The following MDM4 variants were observed in gnomAD, a reference collection of about 807,000 sequenced individuals.
MDM4 encodes the protein MDM4 regulator of p53, also known as protein Mdm4.
MDM4 carries 2 observed loss-of-function variants against 60.2 expected under a neutral mutation model. The observed-to-expected ratio is 0.03, with a 90% CI of 0.01 to 0.10. The LOEUF (loss-of-function observed/expected upper bound fraction) is 0.10, where lower values mean the gene tolerates loss of function less well. MDM4 is among the 10% of genes least tolerant of loss of function. MDM4 has a pLI of 1.00. For missense variants in MDM4, 447 were observed against 577.5 expected (o/e 0.77, Z 2.32); for synonymous variants, 202 against 198.1 (o/e 1.02, Z -0.17).
Position 204,542,912 on chromosome 1 carries a change from A to G in MDM4, c.640A>G (p.Ser214Gly), listed in dbSNP as rs1193892713. 6.2e-7 allele frequency: 1 copy of G among 1,612,468 alleles called. No homozygotes were observed. Among genetic ancestry groups the G allele is most frequent in the East Asian group, 2.2e-5 (1 of 44,894 alleles). ...GNLRSNYTPR[S>G]NGSTDLQTNQ... ...CTTGAGAAGCAACTATACACCTAGA[A>G]GTAATGGCTCAACTGATTTACAGAC... The change falls in exon 8 of 11, where the codon AGT becomes GGT. Residue 214 changes from serine (S) to glycine (G), a missense_variant. Physicochemically the swap from Ser to Gly is moderately conservative, Grantham distance 56. This residue lies in a region of MDM4 where 184 missense variants were observed against 179.3 expected (regional missense o/e 1.03). Coordinates refer to ENST00000367182, the MANE Select transcript of MDM4 (RefSeq NM_002393.5).
intron 1 of MDM4, among the ~76,000 whole-genome samples, chr1:204,517,196 CGCGCCACTGCACTCCA>C (rs1659066970): frequency 6.6e-6 from 1 of 150,698 alleles, no homozygotes; most frequent in Non-Finnish European, 1.5e-5. Context: ...GAGTCGAGAT[CGCGCCACTGCACTCCA>C]GCTTGGGCTA....
At chr1:204,545,269 A>G (rs1662540122) in intron 9 of MDM4, among the ~76,000 whole-genome samples, 1 of 151,874 alleles carries the variant, frequency 6.6e-6, no homozygotes, top group African/African-American at 2.4e-5. Context: ...AAATGGAAAG[A>G]TAAGATTATT....
chr1:204,544,481 C>T (rs1300873916), intron 8 of MDM4, 54 bp from the exon 9 acceptor site: 2 of 1,541,202 alleles, frequency 1.3e-6, no homozygotes, highest in East Asian at 4.6e-5. Context: ...GTTGTTTCAA[C>T]ATCTCTGATA....
At position 204,556,745 on chromosome 1, in the gene MDM4, T is replaced by G. The variant is rs1663562641; in HGVS notation, c.*7063T>G. The G allele has an allele frequency of 4.7e-6, 1 of 214,102 alleles. No homozygotes were observed. Among genetic ancestry groups the G allele is most frequent in the Non-Finnish European group, 9.4e-6 (1 of 106,132 alleles). The allele number at this position is 214,102 out of a possible 1,614,324, so 13.3% of individuals were successfully genotyped here. On this transcript the variant is annotated 3_prime_UTR_variant, in exon 11 of 11. Coordinates refer to ENST00000367182, the MANE Select transcript of MDM4 (RefSeq NM_002393.5). The stretch of plus-strand genomic sequence containing the variant: ...ACAGAATTATTTTTTTCTCTGTAGT[T>G]TGCCTCATTTTTTCACTTTCTTTTC...
chr1:204,547,799 C>G (rs1662812682), intron 10 of MDM4, among the ~76,000 whole-genome samples: 1 of 152,266 alleles, frequency 6.6e-6, no homozygotes. Context: ...TCTCGGCTCA[C>G]TGCAACTTCC....
intron 1 of MDM4, among the ~76,000 whole-genome samples, chr1:204,519,495 G>A (rs1048927753): frequency 6.6e-6 from 1 of 152,064 alleles, no homozygotes; most frequent in Non-Finnish European, 1.5e-5. Flanking sequence ...CAACAAGAGC[G>A]AAACTCCGTC....
intron 1 of MDM4, among the ~76,000 whole-genome samples, chr1:204,524,733 C>T (rs938463072): frequency 3.9e-5 from 6 of 152,204 alleles, no homozygotes; most frequent in South Asian, 2.1e-4. Context: ...GCCGAGATTG[C>T]GCCATTGCGC....
chr1:204,529,502 A>C, intron 3 of MDM4: 4 of 1,518,588 alleles, frequency 2.6e-6, no homozygotes, highest in Non-Finnish European at 3.6e-6. Flanking sequence ...TGAGGTGTCC[A>C]TAGGGCCCTC....
chr1:204,523,086 C>T (rs1659734712), intron 1 of MDM4, among the ~76,000 whole-genome samples: 1 of 148,882 alleles, frequency 6.7e-6, no homozygotes, highest in Non-Finnish European at 1.5e-5. Flanking sequence ...TGGTGTTGAA[C>T]TCCTGACCTC....
intron 7 of MDM4, 68 bp from the exon 8 acceptor site, chr1:204,542,716 A>G (rs1662236698): frequency 1.7e-6 from 2 of 1,202,688 alleles, no homozygotes; most frequent in Non-Finnish European, 1.2e-6. Context: ...AGTTTTAAGT[A>G]TTCTAAAGAT....
rs866034137 is a variant in MDM4 at position 204,549,437 on chromosome 1, A to G, written c.1228A>G (p.Met410Val). ...TGAAAGCCAAGAGACCATCTCAAGC[A>G]TGGGAGAACAGTTAGATAACCTTTC... ...SSESQETISS[M>V]GEQLDNLSEQ... is the part of the protein sequence containing the mutation. The change falls in exon 11 of 11, where the codon ATG (methionine) becomes GTG (valine). Residue 410 changes from methionine (M) to valine (V), a missense_variant. Around this residue, in one of 8 missense-constraint regions of MDM4, gnomAD observed 117 missense variants for 114.5 expected, o/e 1.02. Transcript: ENST00000367182. 4.3e-6 allele frequency: 7 copies of G among 1,612,336 alleles called. No homozygotes were observed. Among genetic ancestry groups the G allele is most frequent in the South Asian group, 3.3e-5 (3 of 90,786 alleles).
intron 10 of MDM4, among the ~76,000 whole-genome samples, chr1:204,547,931 A>G (rs1347527202): frequency 6.6e-6 from 1 of 152,210 alleles, no homozygotes; most frequent in African/African-American, 2.4e-5. Flanking sequence ...CATGTTGGTC[A>G]GGCTGGTCTT....
intron 1 of MDM4, among the ~76,000 whole-genome samples, chr1:204,524,187 C>T (rs1659872008): frequency 6.6e-6 from 1 of 152,188 alleles, no homozygotes; most frequent in Non-Finnish European, 1.5e-5. Flanking sequence ...GGGAGCTGAA[C>T]ATACAGATAC....
At chr1:204,536,859 AT>A in intron 5 of MDM4, 1 of 302,150 alleles carries the variant, frequency 3.3e-6, no homozygotes. Flanking sequence ...AAAAAAATTA[AT>A]TTATATACAG....
intron 1 of MDM4, among the ~76,000 whole-genome samples, chr1:204,524,891 A>G (rs180863204): frequency 1.6e-3 from 248 of 152,316 alleles, no homozygotes; most frequent in Non-Finnish European, 2.4e-3. Flanking sequence ...ACTTCATGCT[A>G]CATCTTTTCT....
chr1:204,533,621 G>A (rs1051393219), intron 5 of MDM4, among the ~76,000 whole-genome samples: 4 of 152,192 alleles, frequency 2.6e-5, no homozygotes, highest in African/African-American at 7.2e-5. Context: ...GCCTCCCAGA[G>A]TCCTGGGATT....
Position 204,529,413 on chromosome 1 carries a change from G to A in MDM4, c.154-1271G>A, listed in dbSNP as rs1660613960. On this transcript the variant is annotated intron_variant, in intron 3 of 10. Transcript: ENST00000367182. ...CTGCTGGGCACCGTAGGAATTTGGAGGTGGCTGACCATAGGGGCCCCCTGG... is the reference window on the plus strand; with the variant it reads ...CTGCTGGGCACCGTAGGAATTTGGAAGTGGCTGACCATAGGGGCCCCCTGG... 5 of 1,324,354 alleles carry A rather than the reference G, an allele frequency of 3.8e-6. No individual in the cohort carries two copies. The Admixed American group carries it at 5.2e-5, about 14-fold the overall frequency. The allele number at this position is 1,324,354 out of a possible 1,614,324, so 82.0% of individuals were successfully genotyped here.
In MDM4 at chr1:204,556,364, G is replaced by A. The variant is rs1455417512; in HGVS notation, c.*6682G>A. On this transcript the variant is annotated 3_prime_UTR_variant, in exon 11 of 11. Coordinates refer to ENST00000367182, the MANE Select transcript of MDM4 (RefSeq NM_002393.5). ...TGAGGCTTCCTTTCTGTGTGTGATGGGGGATAGGGAGTTAGCTCCCCTGTT... is the reference window on the plus strand; with the variant it reads ...TGAGGCTTCCTTTCTGTGTGTGATGAGGGATAGGGAGTTAGCTCCCCTGTT... 1.8e-5 allele frequency: 4 copies of A among 227,110 alleles called. No homozygotes were observed. In the East Asian group the frequency reaches 2.5e-4, roughly 14 times the overall value. The allele number at this position is 227,110 out of a possible 1,614,324, so 14.1% of individuals were successfully genotyped here.
At position 204,557,550 on chromosome 1, in the gene MDM4, G is replaced by GCAC. The variant is rs1663612332; in HGVS notation, c.*7875_*7877dup. 1 of 171,634 alleles carries GCAC rather than the reference G, an allele frequency of 5.8e-6. No homozygotes were observed. Among genetic ancestry groups the GCAC allele is most frequent in the South Asian group, 2.0e-4 (1 of 5,000 alleles). 10.6% of individuals were successfully genotyped at this position (171,634 alleles called of 1,614,324 possible). A position where few individuals can be genotyped will look rare whatever the true frequency, so the allele number is the denominator to read the frequency against. On this transcript the variant is annotated 3_prime_UTR_variant, in exon 11 of 11. Transcript: ENST00000367182. ...CTCAAGTAGCTGGGACTACAGGCGT[G>GCAC]CACCACCACACCTGGCTAATTTTGT...
Sources: gnomAD v4.1 joint callset for allele counts (sites outside exome capture counted in the v4.1 genomes callset) on GRCh38, gnomAD v4.1.1 for gene constraint, gnomAD v4.1.1 regional missense constraint, MANE v1.5 for transcripts, NCBI Gene and HGNC (gene_info 2026-07-23, HGNC 2026-07-21) for gene names.